The following DLGAP2 variants were observed in gnomAD, a reference collection of about 807,000 sequenced individuals.
DLGAP2 encodes the protein DLG associated protein 2.
In DLGAP2, 26 loss-of-function variants were observed where a neutral mutation model predicts 100.3. The ratio of observed to expected loss-of-function variants is 0.26; its 90% CI spans 0.19 to 0.36. DLGAP2 has a LOEUF of 0.36. Ranked by LOEUF, DLGAP2 falls within the 10% of genes least tolerant of loss-of-function variation. DLGAP2 has a pLI of 1.00. For synonymous variants in DLGAP2, 886 were observed against 630.1 expected, an observed-to-expected ratio of 1.41 and a Z score of -6.08; for missense variants, 1,858 against 1,453.2, an observed-to-expected ratio of 1.28 and a Z score of -4.53.
chr8:1,177,353 A>G (rs1424014611), intron 2 of DLGAP2, among the ~76,000 whole-genome samples: 1 of 151,934 alleles, frequency 6.6e-6, no homozygotes, highest in Non-Finnish European at 1.5e-5. Context: ...TGGCTGTTTT[A>G]TCAGGTTTAC....
At chr8:1,472,405 A>G (rs1369744012) in intron 3 of DLGAP2, among the ~76,000 whole-genome samples, 1 of 151,966 alleles carries the variant, frequency 6.6e-6, no homozygotes, top group Admixed American at 6.6e-5. Flanking sequence ...TATGTTGGTG[A>G]TTTTCATTTT....
chr8:1,169,498 T>A (rs904304157), intron 2 of DLGAP2, among the ~76,000 whole-genome samples: 1 of 152,200 alleles, frequency 6.6e-6, no homozygotes, highest in African/African-American at 2.4e-5. Flanking sequence ...ATGATATTGA[T>A]TCTTCCTATC....
chr8:1,273,458 A>C (rs1465276549), intron 3 of DLGAP2, among the ~76,000 whole-genome samples: 4 of 152,170 alleles, frequency 2.6e-5, no homozygotes, highest in Admixed American at 1.3e-4. Flanking sequence ...GCCCCACCTT[A>C]ACTTGACGAG....
At chr8:1,167,313 T>C (rs1025139882) in intron 2 of DLGAP2, among the ~76,000 whole-genome samples, 2 of 152,134 alleles carry the variant, frequency 1.3e-5, no homozygotes, top group African/African-American at 4.8e-5. Context: ...AGAGAAGTAA[T>C]TGGCTTTCTC....
At chr8:805,802 G>A (rs1796257497) in intron 1 of DLGAP2, among the ~76,000 whole-genome samples, 1 of 152,196 alleles carries the variant, frequency 6.6e-6, no homozygotes, top group African/African-American at 2.4e-5. Context: ...GGGATTACAT[G>A]CGTGAGCCAC....
chr8:1,333,802 T>C (rs951730517), intron 3 of DLGAP2, among the ~76,000 whole-genome samples: 84 of 152,240 alleles, frequency 5.5e-4, no homozygotes, highest in African/African-American at 2.0e-3. Flanking sequence ...CACAGGGTGG[T>C]CCATCTCCAC....
intron 2 of DLGAP2, among the ~76,000 whole-genome samples, chr8:1,156,642 T>TCAGCGCCCCGGCTCAGCGCCCCAGCC (rs1563220070): frequency 2.2e-4 from 32 of 147,236 alleles, no homozygotes; most frequent in African/African-American, 7.6e-4. Context: ...GCGCCCCGGC[T>TCAGCGCCCCGGCTCAGCGCCCCAGCC]CAGCGCCCCA....
At chr8:1,610,650 A>C (rs1391066785) in intron 6 of DLGAP2, among the ~76,000 whole-genome samples, 24 of 129,972 alleles carry the variant, frequency 1.8e-4, no homozygotes, top group Admixed American at 9.5e-4. Flanking sequence ...AGCAAGACTA[A>C]TAAAGAAAAA....
At position 1,504,560 on chromosome 8, in the gene DLGAP2, CCTCT is replaced by C. The variant is rs572014828; in HGVS notation, c.172+3134_172+3137del. Reference sequence around the variant, plus strand: ...CAACATCCTCCCAGTTCCCCCCAACCCTCTCTCTGTTGACCACTGTTCTACCCTC... The same window carrying C: ...CAACATCCTCCCAGTTCCCCCCAACCCTCTGTTGACCACTGTTCTACCCTC... On this transcript the variant is annotated intron_variant, in intron 4 of 14. Coordinates refer to ENST00000637795, the MANE Select transcript of DLGAP2 (RefSeq NM_001346810.2). 1.1e-4 allele frequency among the ~76,000 whole-genome samples: 16 copies of C among 152,308 alleles called. No homozygotes were observed. The East Asian group carries it at 2.9e-3, about 28-fold the overall frequency.
At chr8:1,123,956 A>T (rs1285838165) in intron 2 of DLGAP2, among the ~76,000 whole-genome samples, 7 of 152,202 alleles carry the variant, frequency 4.6e-5, no homozygotes, top group Non-Finnish European at 1.0e-4. Context: ...GTTGCTCCCC[A>T]GAGCAGGCAG....
chr8:1,278,451 G>A (rs1239770876), intron 3 of DLGAP2, among the ~76,000 whole-genome samples: 2 of 152,072 alleles, frequency 1.3e-5, no homozygotes, highest in South Asian at 2.1e-4. Context: ...AAGGATAAAT[G>A]AATTCCAATA....
intron 3 of DLGAP2, among the ~76,000 whole-genome samples, chr8:1,275,096 C>G (rs546139101): frequency 2.0e-5 from 3 of 152,234 alleles, no homozygotes; most frequent in South Asian, 4.1e-4. Flanking sequence ...CCCTGAGGAC[C>G]TGCAATTTAA....
chr8:964,584 G>A (rs1416757636), intron 2 of DLGAP2, among the ~76,000 whole-genome samples: 1 of 152,236 alleles, frequency 6.6e-6, no homozygotes, highest in Non-Finnish European at 1.5e-5. Context: ...TGTTCCCCAC[G>A]CGGGAAGCCA....
chr8:1,135,503 GTTTTTTT>G (rs3080806), intron 2 of DLGAP2, among the ~76,000 whole-genome samples: 16 of 92,196 alleles, frequency 1.7e-4, no homozygotes, highest in East Asian at 3.8e-4. Flanking sequence ...TTTTTTGTGG[GTTTTTTT>G]TTTTTTTTTT....
At chr8:1,506,333 A>C (rs184803239) in intron 4 of DLGAP2, among the ~76,000 whole-genome samples, 3 of 152,156 alleles carry the variant, frequency 2.0e-5, no homozygotes, top group African/African-American at 7.2e-5. Flanking sequence ...AGTGTATTAC[A>C]TTGTAGGTTC....
intron 2 of DLGAP2, among the ~76,000 whole-genome samples, chr8:941,413 G>A (rs893171124): frequency 6.6e-6 from 1 of 152,082 alleles, no homozygotes; most frequent in Admixed American, 6.6e-5. Context: ...TCAGCCAAGG[G>A]TCTGTGTTAC....
chr8:1,162,413 G>T, intron 2 of DLGAP2, among the ~76,000 whole-genome samples: 1 of 152,164 alleles, frequency 6.6e-6, no homozygotes, highest in Non-Finnish European at 1.5e-5. Context: ...GTTTTCAATA[G>T]GAAAATGCAT....
intron 3 of DLGAP2, among the ~76,000 whole-genome samples, chr8:1,355,621 C>T (rs1801830580): frequency 6.6e-6 from 1 of 152,140 alleles, no homozygotes; most frequent in Non-Finnish European, 1.5e-5. Flanking sequence ...TCTCGGCCTC[C>T]CAGGGTGCTG....
At chr8:1,603,879 T>C (rs995065287) in intron 6 of DLGAP2, among the ~76,000 whole-genome samples, 22 of 152,170 alleles carry the variant, frequency 1.4e-4, no homozygotes, top group African/African-American at 4.8e-4. Context: ...CCACTTAATA[T>C]TTGGTGAGAT....
Sources: allele counts gnomAD v4.1 joint callset (sites outside exome capture counted in the v4.1 genomes callset), GRCh38; gene constraint gnomAD v4.1.1; transcripts MANE v1.5; gene names NCBI Gene and HGNC (gene_info 2026-07-23, HGNC 2026-07-21).